DACH2: variants seen among roughly 807,000 people sequenced by gnomAD.
DACH2 encodes dachshund homolog 2.
DACH2 carries 17 observed loss-of-function variants against 35.8 expected under a neutral mutation model. That is an observed-to-expected ratio of 0.48 (90% CI 0.33 to 0.71). The LOEUF (loss-of-function observed/expected upper bound fraction) is 0.71. Among genes scored for constraint, DACH2 ranks in the 30% least tolerant of loss-of-function variants. The pLI, the probability that DACH2 is intolerant of heterozygous loss-of-function variation, is 0.02. For synonymous variants in DACH2, 195 were observed against 177.3 expected (o/e 1.10, Z -0.79); for missense variants, 469 against 472.7 (o/e 0.99, Z 0.07).
At chrX:86,296,303 C>A (rs2034454901) in intron 1 of DACH2, among the ~76,000 whole-genome samples, 1 of 100,011 alleles carries the variant, frequency 1.0e-5, no homozygotes, top group Admixed American at 1.1e-4. Flanking sequence ...ATGGCGTGAA[C>A]CCTGGAGGCG....
At chrX:86,276,032 C>T (rs2033910065) in intron 1 of DACH2, among the ~76,000 whole-genome samples, 2 of 112,333 alleles carry the variant, frequency 1.8e-5, no homozygotes, top group South Asian at 3.7e-4. Flanking sequence ...GTGCATGTAT[C>T]TCTTCGATAT....
intron 1 of DACH2, among the ~76,000 whole-genome samples, chrX:86,236,761 A>G (rs1354614440): frequency 2.7e-5 from 3 of 112,313 alleles, no homozygotes; most frequent in African/African-American, 6.5e-5. Flanking sequence ...TGCAGGTCAC[A>G]CTGGGTAAGT....
At chrX:86,379,307 T>A (rs981246343) in intron 2 of DACH2, among the ~76,000 whole-genome samples, 39 of 110,731 alleles carry the variant, frequency 3.5e-4, no homozygotes, top group African/African-American at 1.3e-3. Context: ...GTTGGTCATC[T>A]GAGATTTTAT....
chrX:86,338,667 C>A (rs916304473), intron 1 of DACH2, among the ~76,000 whole-genome samples: 1 of 111,278 alleles, frequency 9.0e-6, no homozygotes, highest in Non-Finnish European at 1.9e-5. Flanking sequence ...ACTAGCGAAA[C>A]AAGAGCAAAC....
intron 11 of DACH2, among the ~76,000 whole-genome samples, chrX:86,822,020 C>A (rs1020049599): frequency 9.0e-6 from 1 of 111,199 alleles, no homozygotes; most frequent in Admixed American, 9.6e-5. Context: ...TTACTTTATG[C>A]CCCATCCTGT....
chrX:86,541,624 T>A (rs966361882), intron 3 of DACH2, among the ~76,000 whole-genome samples: 5 of 111,431 alleles, frequency 4.5e-5, no homozygotes, highest in African/African-American at 1.6e-4. Context: ...ATATAAAAAA[T>A]TAGGGCAAAC....
At chrX:86,199,195 G>C (rs1000296929) in intron 1 of DACH2, among the ~76,000 whole-genome samples, 1 of 111,172 alleles carries the variant, frequency 9.0e-6, no homozygotes. Context: ...AGCAGAAAAG[G>C]CTTTTGATAA....
intron 3 of DACH2, among the ~76,000 whole-genome samples, chrX:86,572,840 G>A (rs909353408): frequency 2.7e-5 from 3 of 111,014 alleles, no homozygotes; most frequent in African/African-American, 6.5e-5. Flanking sequence ...CAGGAAGCTC[G>A]TTTTTTTCAG....
chrX:86,358,431 CCACACACACACACACACA>C lies in DACH2; in HGVS notation c.489-18360_489-18343del, dbSNP rs752012562. 3.0e-3 allele frequency among the ~76,000 whole-genome samples: 265 copies of C among 87,517 alleles called. 2 individuals are homozygous for C. Among genetic ancestry groups the C allele is most frequent in the Middle Eastern group, 0.013 (2 of 160 alleles). The allele number at this position is 87,517 out of a possible 115,157, so 76.0% of individuals were successfully genotyped here. A position where few individuals can be genotyped will look rare whatever the true frequency, so the allele number is the denominator to read the frequency against. ...TCCAAATTATGCCATCCCAGCCCCG[CCACACACACACACACACA>C]CACACACACACACACACACACACAC... On this transcript the variant is annotated intron_variant, in intron 1 of 11. Coordinates refer to ENST00000373125, the MANE Select transcript of DACH2 (RefSeq NM_053281.3).
chrX:86,725,513 A>G (rs2148468715), intron 6 of DACH2, among the ~76,000 whole-genome samples: 1 of 111,353 alleles, frequency 9.0e-6, no homozygotes, highest in East Asian at 2.9e-4. Context: ...GGGATGCCAG[A>G]TGGACCATTC....
chrX:86,482,998 G>A (rs993863151), intron 2 of DACH2, among the ~76,000 whole-genome samples: 2 of 104,895 alleles, frequency 1.9e-5, no homozygotes, highest in African/African-American at 3.5e-5. Flanking sequence ...TGTGGGGTGG[G>A]GGGGAGGGAG....
intron 2 of DACH2, among the ~76,000 whole-genome samples, chrX:86,435,660 G>A (rs2037056068): frequency 9.0e-6 from 1 of 111,722 alleles, no homozygotes; most frequent in South Asian, 3.7e-4. Flanking sequence ...GCAAATTTAG[G>A]TAAAGGTTGA....
At chrX:86,248,077 A>G (rs1019940488) in intron 1 of DACH2, among the ~76,000 whole-genome samples, 1 of 111,361 alleles carries the variant, frequency 9.0e-6, no homozygotes, top group Non-Finnish European at 1.9e-5. Context: ...CCCACAGCCA[A>G]CATTATACTG....
At chrX:86,678,295 T>C (rs1295875927) in intron 4 of DACH2, among the ~76,000 whole-genome samples, 1 of 112,303 alleles carries the variant, frequency 8.9e-6, no homozygotes, top group Non-Finnish European at 1.9e-5. Flanking sequence ...TGTTCTGTAT[T>C]CAAAGACAAA....
intron 1 of DACH2, among the ~76,000 whole-genome samples, chrX:86,180,619 G>C (rs1293295029): frequency 1.8e-5 from 2 of 110,918 alleles, no homozygotes; most frequent in African/African-American, 6.6e-5. Flanking sequence ...AGGCCACTAA[G>C]AAGACCCACT....
intron 3 of DACH2, among the ~76,000 whole-genome samples, chrX:86,532,314 T>C (rs771917928): frequency 4.4e-4 from 49 of 111,254 alleles, no homozygotes; most frequent in Non-Finnish European, 9.0e-4. Flanking sequence ...GGTATAATGA[T>C]GTAGTTTGTC....
At chrX:86,384,975 G>T (rs1000619472) in intron 2 of DACH2, among the ~76,000 whole-genome samples, 6 of 111,554 alleles carry the variant, frequency 5.4e-5, no homozygotes, top group African/African-American at 1.6e-4. Flanking sequence ...TTCCAATAGA[G>T]AATACTTTTT....
At chrX:86,519,212 A>G (rs769396404) in intron 3 of DACH2, among the ~76,000 whole-genome samples, 1 of 112,472 alleles carries the variant, frequency 8.9e-6, no homozygotes, top group South Asian at 3.7e-4. Context: ...TGATTTCAAT[A>G]TGTTGAACCA....
At chrX:86,637,241 A>AAAAAAAAAAAAAAAAAAAAAAAAAAAAC (rs1569457456) in intron 3 of DACH2, among the ~76,000 whole-genome samples, 1 of 77,926 alleles carries the variant, frequency 1.3e-5, no homozygotes, top group Non-Finnish European at 2.4e-5. Context: ...AAAAAAAAAA[A>AAAAAAAAAAAAAAAAAAAAAAAAAAAAC]AAAAACAGAT....
Sources: gnomAD v4.1 joint callset for allele counts (sites outside exome capture counted in the v4.1 genomes callset) on GRCh38, gnomAD v4.1.1 for gene constraint, MANE v1.5 for transcripts, NCBI Gene and HGNC (gene_info 2026-07-23, HGNC 2026-07-21) for gene names.